GDAP1: variants seen among roughly 807,000 people sequenced by gnomAD.
GDAP1 encodes ganglioside induced differentiation associated protein 1, also known as ganglioside-induced differentiation-associated protein 1.
GDAP1 carries 34 observed loss-of-function variants against 40.1 expected under a neutral mutation model. That is an observed-to-expected ratio of 0.85 (90% confidence interval 0.64 to 1.13). GDAP1 has a LOEUF of 1.13. Ranked by LOEUF, GDAP1 falls within the 50% of genes most tolerant of loss-of-function variation. GDAP1 has a pLI of 0.00. For synonymous variants in GDAP1, 170 were observed against 157.4 expected (o/e 1.08, Z -0.60); for missense variants, 374 against 433.7 (o/e 0.86, Z 1.22).
intron 2 of GDAP1, among the ~76,000 whole-genome samples, chr8:74,374,157 G>A (rs1304272647): frequency 6.6e-6 from 1 of 152,150 alleles, no homozygotes; most frequent in Admixed American, 6.5e-5. Context: ...AATTCGGTTT[G>A]CCAGTATTGT....
At chr8:74,472,705 CTTTCTTTTCTTTTCTTTTCT>C (rs142771587) in intron 2 of GDAP1, among the ~76,000 whole-genome samples, 7,194 of 144,626 alleles carry the variant, frequency 0.05, 391 homozygotes, top group African/African-American at 0.14. Context: ...CGATATTGAG[CTTTCTTTTCTTTTCTTTTCT>C]TTTCTTTTCT....
intron 2 of GDAP1, among the ~76,000 whole-genome samples, chr8:74,478,218 C>T (rs1007587221): frequency 2.0e-5 from 3 of 152,076 alleles, no homozygotes; most frequent in African/African-American, 4.8e-5. Context: ...AGAGTGCCCT[C>T]ACACTGGCAG....
chr8:74,470,030 C>G (rs750552233), intron 2 of GDAP1, among the ~76,000 whole-genome samples: 37 of 151,930 alleles, frequency 2.4e-4, no homozygotes, highest in Non-Finnish European at 5.0e-4. Flanking sequence ...ACCATTTGAG[C>G]CTGGAGGTTT....
chr8:74,448,712 A>C (rs1466446346), intron 2 of GDAP1, among the ~76,000 whole-genome samples: 1 of 151,930 alleles, frequency 6.6e-6, no homozygotes, highest in Non-Finnish European at 1.5e-5. Flanking sequence ...TCATGTGCTT[A>C]TTGGCCTTTT....
intron 2 of GDAP1, among the ~76,000 whole-genome samples, chr8:74,383,224 G>A (rs1809979858): frequency 6.6e-6 from 1 of 152,120 alleles, no homozygotes; most frequent in Non-Finnish European, 1.5e-5. Flanking sequence ...TCCAAAATTG[G>A]GTTGGGGGAA....
At chr8:74,425,265 A>G (rs902608279) in intron 2 of GDAP1, among the ~76,000 whole-genome samples, 2 of 152,324 alleles carry the variant, frequency 1.3e-5, no homozygotes, top group Admixed American at 1.3e-4. Context: ...ACCATTTTCA[A>G]TGTCTCACAT....
intron 2 of GDAP1, among the ~76,000 whole-genome samples, chr8:74,445,073 C>T (rs907335814): frequency 3.3e-5 from 5 of 152,114 alleles, no homozygotes; most frequent in Admixed American, 2.0e-4. Context: ...GTGTCAAGTT[C>T]AACGTCCTAG....
chr8:74,418,494 C>T (rs1037805192), intron 2 of GDAP1, among the ~76,000 whole-genome samples: 2 of 152,128 alleles, frequency 1.3e-5, no homozygotes, highest in Admixed American at 1.3e-4. Context: ...TATTAAAAAC[C>T]TCAACCTAAA....
intron 2 of GDAP1, among the ~76,000 whole-genome samples, chr8:74,356,080 G>T (rs1291470405): frequency 6.6e-6 from 1 of 152,106 alleles, no homozygotes; most frequent in African/African-American, 2.4e-5. Flanking sequence ...TGTTCATCAA[G>T]AAAAGGCTCT....
intron 2 of GDAP1, among the ~76,000 whole-genome samples, chr8:74,404,308 T>C (rs1805606730): frequency 6.7e-6 from 1 of 149,442 alleles, no homozygotes; most frequent in South Asian, 2.1e-4. Flanking sequence ...AAAACCACAA[T>C]TACTTTTTCA....
intron 2 of GDAP1, among the ~76,000 whole-genome samples, chr8:74,428,562 A>G (rs1208090830): frequency 6.8e-6 from 1 of 146,086 alleles, no homozygotes; most frequent in East Asian, 2.1e-4. Flanking sequence ...TGCCTCCCAG[A>G]TTCAAGTGAT....
At chr8:74,420,035 A>G (rs1805835972) in intron 2 of GDAP1, among the ~76,000 whole-genome samples, 1 of 152,196 alleles carries the variant, frequency 6.6e-6, no homozygotes. Flanking sequence ...TTATGACAAT[A>G]CCACACTGTT....
rs780451556 is a variant in GDAP1, at chr8:74,366,705, A to G, written c.*2338A>G. The G allele has an allele frequency of 2.2e-6, 1 of 452,556 alleles. No individual in the cohort carries two copies. The highest frequency in any genetic ancestry group is 1.6e-5 in the South Asian group (1 of 64,072). The allele number at this position is 452,556 out of a possible 1,614,324, so 28.0% of individuals were successfully genotyped here. ...ATTGCAGCAGATGCCTTTTGAATCCATTTTCCATAATTGCGGATAGTCATA... is the reference window on the plus strand; with the variant it reads ...ATTGCAGCAGATGCCTTTTGAATCCGTTTTCCATAATTGCGGATAGTCATA... On this transcript the variant is annotated 3_prime_UTR_variant, in exon 6 of 6. Transcript: ENST00000220822.
chr8:74,360,454 G>A, intron 3 of GDAP1, 144 bp downstream of exon 3: 3 of 752,940 alleles, frequency 4.0e-6, no homozygotes, highest in East Asian at 2.6e-5. Flanking sequence ...GTTATGGATC[G>A]ATCCATGAAC....
At position 74,422,336 on chromosome 8, in the gene GDAP1, TCTTTCTTTCTTTCTTC is replaced by T. The variant is rs1266525377; in HGVS notation, c.166-66340_166-66325del. ...TTCTTTCTTTCTTTCTTTCTTTCTT[TCTTTCTTTCTTTCTTC>T]CCTTCCTTCCTTCCTTCCTTCCTTC... On this transcript the variant is annotated intron_variant, in intron 2 of 2. Coordinates refer to the GDAP1 transcript ENST00000523640. 2.0e-3 allele frequency among the ~76,000 whole-genome samples: 121 copies of T among 59,400 alleles called. 1 individual carries two copies. The highest frequency in any genetic ancestry group is 7.9e-3 in the African/African-American group (94 of 11,914). The allele number at this position is 59,400 out of a possible 152,430, so 39.0% of individuals were successfully genotyped here.
intron 2 of GDAP1, among the ~76,000 whole-genome samples, chr8:74,400,197 A>G (rs1810298952): frequency 1.3e-5 from 2 of 149,722 alleles, no homozygotes; most frequent in African/African-American, 5.1e-5. Flanking sequence ...GTCTCTTTGT[A>G]TGTCACTCAG....
At chr8:74,378,335 G>A (rs544558240) in intron 2 of GDAP1, among the ~76,000 whole-genome samples, 2 of 152,262 alleles carry the variant, frequency 1.3e-5, no homozygotes, top group East Asian at 3.9e-4. Context: ...GAGAAGTGGG[G>A]CCAGAGTCCA....
At chr8:74,453,940 A>AACACACACAC (rs59331820) in intron 2 of GDAP1, among the ~76,000 whole-genome samples, 2,886 of 59,070 alleles carry the variant, frequency 0.049, 1,073 homozygotes, top group African/African-American at 0.22. Context: ...TTCTGAAGAA[A>AACACACACAC]ACACACACAC....
intron 2 of GDAP1, among the ~76,000 whole-genome samples, chr8:74,383,965 C>T (rs910321084): frequency 2.0e-5 from 3 of 152,070 alleles, no homozygotes; most frequent in East Asian, 1.9e-4. Flanking sequence ...TTACATAACA[C>T]GCATGAATTC....
Sources: gnomAD v4.1 joint callset for allele counts (sites outside exome capture counted in the v4.1 genomes callset) on GRCh38, gnomAD v4.1.1 for gene constraint, MANE v1.5 for transcripts, NCBI Gene and HGNC (gene_info 2026-07-23, HGNC 2026-07-21) for gene names.